The following ZNF407 variants were observed in gnomAD, a reference collection of about 807,000 sequenced individuals.
ZNF407 encodes the protein zinc finger protein 407.
Under a neutral mutation model 131.2 loss-of-function variants are expected in ZNF407, and 17 were observed. The observed-to-expected ratio is 0.13, with a 90% confidence interval of 0.09 to 0.19. The LOEUF (loss-of-function observed/expected upper bound fraction) is 0.19, where lower values mean the gene tolerates loss of function less well. ZNF407 is among the 10% of genes least tolerant of loss of function. The pLI is 1.00. For synonymous variants in ZNF407, 1,156 were observed against 1,062.0 expected (o/e 1.09, Z -1.72); for missense variants, 2,681 against 2,830.6 (o/e 0.95, Z 1.20).
intron 3 of ZNF407, among the ~76,000 whole-genome samples, chr18:74,713,433 C>T (rs1475462488): frequency 4.9e-5 from 6 of 121,448 alleles, no homozygotes; most frequent in Non-Finnish European, 8.1e-5. Context: ...GTGATTAAAA[C>T]ATAGTTTCAT....
intron 3 of ZNF407, among the ~76,000 whole-genome samples, chr18:74,763,190 TAGGAC>T (rs1969136910): frequency 2.0e-5 from 2 of 102,542 alleles, no homozygotes; most frequent in African/African-American, 6.8e-5. Flanking sequence ...AGCATCTTCT[TAGGAC>T]CTTTTTTTTT....
At position 75,047,906 on chromosome 18, in the gene ZNF407, ATGACGTTTAATAG is replaced by A. The variant is rs548917754; in HGVS notation, c.5429-15240_5429-15228del. ...GTATCTTTGTTGAGAAAAATACCTG[ATGACGTTTAATAG>A]TGAGTAGAGACGAAGGTAAACACAT... On this transcript the variant is annotated intron_variant, in intron 8 of 8. Coordinates refer to ENST00000299687, the MANE Select transcript of ZNF407 (RefSeq NM_017757.3). Among the ~76,000 whole-genome samples, 25 of 152,312 alleles carry A rather than the reference ATGACGTTTAATAG, an allele frequency of 1.6e-4. No homozygotes were observed. The South Asian group carries it at 5.2e-3, about 32-fold the overall frequency.
intron 8 of ZNF407, among the ~76,000 whole-genome samples, chr18:74,998,090 C>T (rs1018422404): frequency 1.3e-5 from 2 of 152,090 alleles, no homozygotes; most frequent in Non-Finnish European, 2.9e-5. Flanking sequence ...ACCGCTGCAC[C>T]CACGGGCTCA....
chr18:74,721,052 G>A (rs1159314121), intron 3 of ZNF407, among the ~76,000 whole-genome samples: 2 of 151,266 alleles, frequency 1.3e-5, no homozygotes, highest in Non-Finnish European at 2.9e-5. Flanking sequence ...TATTTTGATA[G>A]GGATTGCATT....
In ZNF407 at chr18:74,645,124, T is replaced by G. The variant is rs928586763; in HGVS notation, c.4802+4002T>G. 8.3e-5 allele frequency among the ~76,000 whole-genome samples: 12 copies of G among 144,782 alleles called. 1 individual carries two copies. The allele number at this position is 144,782 out of a possible 152,430, so 95.0% of individuals were successfully genotyped here. On this transcript the variant is annotated intron_variant, in intron 3 of 8. Coordinates refer to ENST00000299687, the MANE Select transcript of ZNF407 (RefSeq NM_017757.3). ...TTTTCCCACTCATTCATGTGTTGATTATTGCATTTACTTGTGGGTTACAAA... is the reference window on the plus strand; with the variant it reads ...TTTTCCCACTCATTCATGTGTTGATGATTGCATTTACTTGTGGGTTACAAA...
chr18:74,775,140 A>G (rs1969442483), intron 3 of ZNF407, among the ~76,000 whole-genome samples: 1 of 152,244 alleles, frequency 6.6e-6, no homozygotes, highest in African/African-American at 2.4e-5. Flanking sequence ...GAAGTTGTTT[A>G]TCAAAACTTT....
At chr18:74,921,002 G>A in intron 8 of ZNF407, 3 of 1,057,582 alleles carry the variant, frequency 2.8e-6, no homozygotes, top group Non-Finnish European at 3.4e-6. Context: ...ATCTTCATAT[G>A]TTGACTAATT....
At chr18:74,874,671 C>T (rs9319658) in intron 4 of ZNF407, among the ~76,000 whole-genome samples, 3,994 of 152,286 alleles carry the variant, frequency 0.026, 172 homozygotes, top group African/African-American at 0.089. Context: ...TAAATGCCAC[C>T]TCTGGGAAGC....
chr18:74,847,788 G>T (rs1004048209), intron 4 of ZNF407, among the ~76,000 whole-genome samples: 5 of 149,922 alleles, frequency 3.3e-5, no homozygotes, highest in African/African-American at 9.8e-5. Flanking sequence ...TTCCTTTAAA[G>T]AATTTTTTGT....
At chr18:75,030,999 C>T (rs1468310470) in intron 8 of ZNF407, among the ~76,000 whole-genome samples, 2 of 152,188 alleles carry the variant, frequency 1.3e-5, no homozygotes, top group African/African-American at 2.4e-5. Context: ...GTTTATAACC[C>T]TCTTGGGCCA....
At chr18:74,676,514 G>A (rs1349427189) in intron 3 of ZNF407, among the ~76,000 whole-genome samples, 3 of 149,172 alleles carry the variant, frequency 2.0e-5, no homozygotes, top group Non-Finnish European at 3.0e-5. Flanking sequence ...TCGGCTCACT[G>A]CAAGCTCCGC....
chr18:75,010,473 A>G (rs2122179510), intron 8 of ZNF407, among the ~76,000 whole-genome samples: 1 of 152,288 alleles, frequency 6.6e-6, no homozygotes. Flanking sequence ...AGTGGGTCAC[A>G]GGCTGATTTT....
intron 8 of ZNF407, among the ~76,000 whole-genome samples, chr18:75,044,093 A>C (rs1323349753): frequency 6.6e-6 from 1 of 152,206 alleles, no homozygotes; most frequent in South Asian, 2.1e-4. Flanking sequence ...GATATCAAAC[A>C]CCACTGAAAA....
intron 3 of ZNF407, among the ~76,000 whole-genome samples, chr18:74,754,869 T>G (rs1370928992): frequency 6.6e-6 from 1 of 152,212 alleles, no homozygotes; most frequent in Non-Finnish European, 1.5e-5. Flanking sequence ...TTAGATCCGC[T>G]TGGTGCAGAG....
At chr18:74,881,649 T>A (rs2628125) in intron 6 of ZNF407, among the ~76,000 whole-genome samples, 79,005 of 152,042 alleles carry the variant, frequency 0.52, 21,143 homozygotes, top group Non-Finnish European at 0.58. Flanking sequence ...TTTGAAGTCA[T>A]TGCTGTTTCA....
In ZNF407 at chr18:74,704,530, T is replaced by A. The variant is rs528687075; in HGVS notation, c.4802+63408T>A. ...GTTGATAGATCAGTTTTCTTTTTAA[T>A]ACATCACCTCAGTAAAGTTTGCAGG... On this transcript the variant is annotated intron_variant, in intron 3 of 8. Coordinates refer to ENST00000299687, the MANE Select transcript of ZNF407 (RefSeq NM_017757.3). Among the ~76,000 whole-genome samples the A allele has an allele frequency of 3.9e-5, 6 of 152,312 alleles. No homozygotes were observed. In the South Asian group the frequency reaches 1.0e-3, roughly 26 times the overall value.
At chr18:74,798,043 T>C (rs1969953656) in intron 4 of ZNF407, among the ~76,000 whole-genome samples, 1 of 152,114 alleles carries the variant, frequency 6.6e-6, no homozygotes, top group South Asian at 2.1e-4. Flanking sequence ...CGCAAACGCA[T>C]TTAAATTTTT....
intron 3 of ZNF407, among the ~76,000 whole-genome samples, chr18:74,662,488 A>C (rs1028672809): frequency 2.6e-5 from 4 of 152,220 alleles, no homozygotes; most frequent in Non-Finnish European, 5.9e-5. Flanking sequence ...GTTCATAAGC[A>C]TAAGGAGAAA....
chr18:74,784,056 C>T (rs1312204914), intron 4 of ZNF407, among the ~76,000 whole-genome samples: 8 of 152,158 alleles, frequency 5.3e-5, no homozygotes, highest in Admixed American at 4.6e-4. Context: ...ACCTTCCTCC[C>T]TTCCTTCTAG....
Sources: gnomAD v4.1 joint callset for allele counts (sites outside exome capture counted in the v4.1 genomes callset) on GRCh38, gnomAD v4.1.1 for gene constraint, MANE v1.5 for transcripts, NCBI Gene and HGNC (gene_info 2026-07-23, HGNC 2026-07-21) for gene names.